The following C3orf22 variants were observed in gnomAD, a reference collection of about 807,000 sequenced individuals.
C3orf22 encodes uncharacterized protein C3orf22.
Under a neutral mutation model 10.8 loss-of-function variants are expected in C3orf22, and 7 were observed. That is an observed-to-expected ratio of 0.65 (90% CI 0.37 to 1.22). The LOEUF (loss-of-function observed/expected upper bound fraction) is 1.22. Among genes scored for constraint, C3orf22 ranks in the 50% most tolerant of loss-of-function variants. The probability of loss-of-function intolerance (pLI) is 0.02; values close to 1 mark genes in which losing one functional copy is unlikely to be tolerated. For synonymous variants in C3orf22, 79 were observed against 78.9 expected (o/e 1.00, Z 0.00); for missense variants, 173 against 177.0 (o/e 0.98, Z 0.13).
At chr3:126,529,460 C>T (rs1936604535) in intron 4 of C3orf22, 1 of 1,175,346 alleles carries the variant, frequency 8.5e-7, no homozygotes, top group African/African-American at 1.6e-5. Context: ...CAGATGCTGG[C>T]ACCGGTGGCC....
intron 4 of C3orf22, chr3:126,542,520 A>G (rs1269869065): frequency 8.4e-6 from 13 of 1,548,792 alleles, no homozygotes; most frequent in South Asian, 1.2e-5. Context: ...TTCGACCTCT[A>G]CAAGATGGAC....
chr3:126,539,678 ACCACAGACACC>A, intron 4 of C3orf22, among the ~76,000 whole-genome samples: 3 of 122,016 alleles, frequency 2.5e-5, no homozygotes, highest in Non-Finnish European at 3.5e-5. Flanking sequence ...CAGCACATAC[ACCACAGACACC>A]ACACACACAC....
chr3:126,554,084 G>A (rs568248696), intron 1 of C3orf22, among the ~76,000 whole-genome samples: 4 of 151,776 alleles, frequency 2.6e-5, no homozygotes, highest in Middle Eastern at 3.4e-3. Flanking sequence ...GGTTGATCAC[G>A]GCTCACTGCT....
chr3:126,552,616 C>A (rs1381560174), intron 2 of C3orf22, among the ~76,000 whole-genome samples: 4 of 152,208 alleles, frequency 2.6e-5, no homozygotes, highest in Non-Finnish European at 5.9e-5. Flanking sequence ...CCACCTCCCT[C>A]GAGCGTGGCT....
At chr3:126,534,166 C>T (rs112793996) in intron 4 of C3orf22, among the ~76,000 whole-genome samples, 11 of 152,200 alleles carry the variant, frequency 7.2e-5, no homozygotes, top group African/African-American at 2.6e-4. Context: ...TTTCAAAGAT[C>T]GCCTAACACC....
At chr3:126,546,963 G>C (rs999262739), downstream of C3orf22, among the ~76,000 whole-genome samples, 8 of 152,232 alleles carry the variant, frequency 5.3e-5, no homozygotes, top group Admixed American at 5.2e-4. Context: ...TTGTTCCACT[G>C]GTCTTAAATG....
intron 1 of C3orf22, among the ~76,000 whole-genome samples, 172 bp downstream of exon 1, chr3:126,558,455 A>C (rs913966925): frequency 2.0e-5 from 3 of 152,146 alleles, no homozygotes; most frequent in Non-Finnish European, 2.9e-5. Context: ...ATGACCCTGT[A>C]AGCTGACTGC....
chr3:126,554,420 C>A (rs139728135), intron 1 of C3orf22, among the ~76,000 whole-genome samples: 1 of 152,088 alleles, frequency 6.6e-6, no homozygotes, highest in Non-Finnish European at 1.5e-5. Context: ...CCTGCCACCA[C>A]GCCTGGCTAA....
At chr3:126,541,747 C>A (rs942375618) in intron 4 of C3orf22, 9 of 1,492,436 alleles carry the variant, frequency 6.0e-6, no homozygotes, top group Non-Finnish European at 8.0e-6. Context: ...CGCGCTCGAC[C>A]CTGGCGAAGG....
intron 1 of C3orf22, among the ~76,000 whole-genome samples, chr3:126,554,422 C>T (rs1440662925): frequency 6.6e-6 from 1 of 152,264 alleles, no homozygotes; most frequent in East Asian, 1.9e-4. Flanking sequence ...TGCCACCACG[C>T]CTGGCTAATT....
intron 5 of C3orf22, among the ~76,000 whole-genome samples, chr3:126,528,324 C>G (rs28478592): frequency 0.049 from 7,489 of 152,114 alleles, 260 homozygotes; most frequent in African/African-American, 0.096. Context: ...GCAGGGGTTA[C>G]AGAAAAGCAA....
chr3:126,555,292 C>T (rs868650177), intron 1 of C3orf22, among the ~76,000 whole-genome samples: 4 of 152,174 alleles, frequency 2.6e-5, no homozygotes, highest in South Asian at 4.1e-4. Flanking sequence ...CATGCTGTGC[C>T]GAAGCCCCGT....
intron 4 of C3orf22, among the ~76,000 whole-genome samples, chr3:126,541,137 T>C (rs1936949521): frequency 1.3e-5 from 2 of 152,082 alleles, no homozygotes; most frequent in African/African-American, 4.8e-5. Flanking sequence ...AGGTGCTAGG[T>C]TAAAGCCAGT....
downstream of C3orf22, among the ~76,000 whole-genome samples, chr3:126,547,283 CT>C (rs1173069063): frequency 6.6e-6 from 1 of 152,198 alleles, no homozygotes; most frequent in African/African-American, 2.4e-5. Flanking sequence ...GAGAGTATTG[CT>C]GCACCATCTC....
intron 4 of C3orf22, among the ~76,000 whole-genome samples, chr3:126,532,032 G>A (rs114534721): frequency 0.014 from 2,194 of 152,256 alleles, 44 homozygotes; most frequent in African/African-American, 0.048. Flanking sequence ...GTGATGTTGC[G>A]CACCTTTTCA....
chr3:126,529,521 C>A, intron 4 of C3orf22: 1 of 583,154 alleles, frequency 1.7e-6, no homozygotes. Flanking sequence ...AGGCCTCGGG[C>A]AAGTTTCTTT....
At chr3:126,543,394 A>C (rs1374426218) in intron 4 of C3orf22, 1 of 152,230 alleles carries the variant, frequency 6.6e-6, no homozygotes, top group East Asian at 1.9e-4. Flanking sequence ...CCTGTTGCCA[A>C]GTGGCATAAG....
chr3:126,540,586 T>C (rs1936937665), intron 4 of C3orf22, among the ~76,000 whole-genome samples: 1 of 152,196 alleles, frequency 6.6e-6, no homozygotes, highest in African/African-American at 2.4e-5. Context: ...CATGGCTGAG[T>C]CATATTCCAT....
chr3:126,554,655 T>C (rs979337617), intron 1 of C3orf22, among the ~76,000 whole-genome samples: 1 of 152,184 alleles, frequency 6.6e-6, no homozygotes, highest in African/African-American at 2.4e-5. Flanking sequence ...CTGGTGTCCT[T>C]TGTGGCAGCA....
Sources: allele counts gnomAD v4.1 joint callset (sites outside exome capture counted in the v4.1 genomes callset), GRCh38; gene constraint gnomAD v4.1.1; transcripts MANE v1.5; gene names NCBI Gene and HGNC (gene_info 2026-07-23, HGNC 2026-07-21).